Variants in NEDD4L observed in about 807,000 individuals in gnomAD.
The protein encoded by NEDD4L is E3 ubiquitin-protein ligase NEDD4-like.
A neutral mutation model predicts 148.9 loss-of-function variants in NEDD4L; 54 were observed. That is an observed-to-expected ratio of 0.36 (90% CI 0.29 to 0.45). The LOEUF (loss-of-function observed/expected upper bound fraction) is 0.45, where lower values mean the gene tolerates loss of function less well. NEDD4L is among the 20% of genes least tolerant of loss of function. The probability of loss-of-function intolerance (pLI) is 1.00; values close to 1 mark genes in which losing one functional copy is unlikely to be tolerated. For synonymous variants in NEDD4L, 433 were observed against 440.7 expected (o/e 0.98, Z 0.22); for missense variants, 856 against 1,233.8 (o/e 0.69, Z 4.59).
chr18:58,131,515 T>C (rs1439249783), intron 1 of NEDD4L, among the ~76,000 whole-genome samples: 2 of 151,232 alleles, frequency 1.3e-5, no homozygotes, highest in African/African-American at 4.9e-5. Context: ...GGTGTTGGGC[T>C]CTGTTGGGGT....
intron 1 of NEDD4L, among the ~76,000 whole-genome samples, chr18:58,118,290 G>T (rs1204645182): frequency 5.3e-5 from 8 of 152,244 alleles, no homozygotes; most frequent in Non-Finnish European, 1.5e-5. Context: ...GTAAGCACTT[G>T]TCAGGTGCTT....
At chr18:58,177,491 C>A (rs1234226012) in intron 2 of NEDD4L, among the ~76,000 whole-genome samples, 2 of 152,238 alleles carry the variant, frequency 1.3e-5, no homozygotes, top group South Asian at 4.1e-4. Flanking sequence ...CCGGCGTCCC[C>A]ACCCCAGGAG....
chr18:58,231,302 A>C (rs1199493825), intron 2 of NEDD4L, among the ~76,000 whole-genome samples: 1 of 151,486 alleles, frequency 6.6e-6, no homozygotes, highest in Non-Finnish European at 1.5e-5. Context: ...ATTCCATGGA[A>C]AAGGGAGTGG....
At chr18:58,365,197 C>T (rs932024809) in intron 20 of NEDD4L, among the ~76,000 whole-genome samples, 3 of 152,174 alleles carry the variant, frequency 2.0e-5, no homozygotes, top group East Asian at 1.9e-4. Context: ...CAAGAGCTTG[C>T]GGGTAACTGC....
chr18:58,226,837 C>T (rs2148034113), intron 2 of NEDD4L, among the ~76,000 whole-genome samples: 1 of 152,198 alleles, frequency 6.6e-6, no homozygotes, highest in East Asian at 1.9e-4. Flanking sequence ...CAGGGTGTGT[C>T]AGACTCCAGA....
At chr18:58,113,495 T>G (rs2085543531) in intron 1 of NEDD4L, among the ~76,000 whole-genome samples, 1 of 152,122 alleles carries the variant, frequency 6.6e-6, no homozygotes, top group South Asian at 2.1e-4. Context: ...GGAAAAATCT[T>G]TAGCTGAGAC....
intron 5 of NEDD4L, among the ~76,000 whole-genome samples, chr18:58,287,899 GAA>G (rs1404706803): frequency 1.3e-5 from 2 of 151,934 alleles, no homozygotes; most frequent in African/African-American, 2.4e-5. Flanking sequence ...AACCATTAAA[GAA>G]AAAAATAAGA....
intron 18 of NEDD4L, among the ~76,000 whole-genome samples, chr18:58,355,007 C>T (rs1488323224): frequency 1.3e-5 from 2 of 152,180 alleles, no homozygotes; most frequent in African/African-American, 2.4e-5. Context: ...GCCGCAGGGG[C>T]GCACAGGCCA....
chr18:58,179,565 A>G (rs1328200099), intron 2 of NEDD4L, among the ~76,000 whole-genome samples: 2 of 152,060 alleles, frequency 1.3e-5, no homozygotes, highest in Admixed American at 6.5e-5. Context: ...TCCTCTATTT[A>G]CAGCTGCTCC....
Position 58,109,937 on chromosome 18 carries a change from C to T in NEDD4L, c.49-55851C>T, listed in dbSNP as rs188443756. On this transcript the variant is annotated intron_variant, in intron 1 of 30. Transcript: ENST00000400345. ...AGTTTTAGGAAGACCAAACTGACAG[C>T]AGCTTGGAGGCTGATTTGGAAAGGA... 3.3e-5 allele frequency among the ~76,000 whole-genome samples: 5 copies of T among 152,248 alleles called. No individual in the cohort carries two copies. In the East Asian group the frequency reaches 9.6e-4, roughly 29 times the overall value.
At chr18:58,140,272 C>A (rs1003327661) in intron 1 of NEDD4L, among the ~76,000 whole-genome samples, 1 of 152,198 alleles carries the variant, frequency 6.6e-6, no homozygotes, top group Non-Finnish European at 1.5e-5. Context: ...GCTCAAGCCT[C>A]CACCTATGAA....
intron 1 of NEDD4L, among the ~76,000 whole-genome samples, chr18:58,107,221 T>G (rs1016317397): frequency 6.6e-6 from 1 of 152,186 alleles, no homozygotes; most frequent in Non-Finnish European, 1.5e-5. Context: ...TGACTCCTTA[T>G]ACAGTCACAC....
intron 1 of NEDD4L, among the ~76,000 whole-genome samples, chr18:58,062,786 A>G (rs2082390339): frequency 6.6e-6 from 1 of 152,160 alleles, no homozygotes; most frequent in Admixed American, 6.5e-5. Context: ...CAGGAAATTG[A>G]GACCATCTTG....
intron 2 of NEDD4L, among the ~76,000 whole-genome samples, chr18:58,169,705 G>A (rs758189010): frequency 6.6e-6 from 1 of 152,194 alleles, no homozygotes. Flanking sequence ...CCTGTGTCCC[G>A]TTTCTGCTGT....
At chr18:58,061,436 A>G (rs2105715) in intron 1 of NEDD4L, among the ~76,000 whole-genome samples, 122,726 of 151,740 alleles carry the variant, frequency 0.81, 50,179 homozygotes, top group East Asian at 1. Context: ...GCTGCTTCAT[A>G]TCTCACAGTG....
intron 1 of NEDD4L, among the ~76,000 whole-genome samples, chr18:58,048,402 C>G (rs559155193): frequency 3.8e-4 from 58 of 152,224 alleles, no homozygotes; most frequent in African/African-American, 1.3e-3. Flanking sequence ...TGTGCACATA[C>G]TATGTCATTT....
At chr18:58,188,518 G>A (rs951647611) in intron 2 of NEDD4L, among the ~76,000 whole-genome samples, 15 of 152,232 alleles carry the variant, frequency 9.9e-5, no homozygotes, top group Admixed American at 6.5e-5. Flanking sequence ...ACATGGGGAG[G>A]CAGGACTAGC....
At chr18:58,193,097 C>T (rs6566949) in intron 2 of NEDD4L, among the ~76,000 whole-genome samples, 8,282 of 152,110 alleles carry the variant, frequency 0.054, 732 homozygotes, top group African/African-American at 0.19. Flanking sequence ...AGGTCAGATG[C>T]GAGACTATTT....
chr18:58,366,298 G>C lies in NEDD4L; in HGVS notation c.2063+70G>C. The C allele has an allele frequency of 8.7e-7, 1 of 1,153,896 alleles. No individual in the cohort carries two copies. Among genetic ancestry groups the C allele is most frequent in the Non-Finnish European group, 1.2e-6 (1 of 825,656 alleles). The allele number at this position is 1,153,896 out of a possible 1,614,324, so 71.5% of individuals were successfully genotyped here. On this transcript the variant is annotated intron_variant, in intron 21 of 30. Transcript: ENST00000400345. The surrounding 1 kb of genome is among the most constrained non-coding windows in gnomAD (Gnocchi z 4.2). ...TTGTATGAATTTAAACAGAATGAAA[G>C]GATAAGCAGCTCATGAGTTCGAGAT...
Sources: allele counts gnomAD v4.1 joint callset (sites outside exome capture counted in the v4.1 genomes callset), GRCh38; gene constraint gnomAD v4.1.1; non-coding constraint Gnocchi (gnomAD v3.1); transcripts MANE v1.5; gene names NCBI Gene and HGNC (gene_info 2026-07-23, HGNC 2026-07-21).